SYTL5: variants seen among roughly 807,000 people sequenced by gnomAD.
The protein encoded by SYTL5 is synaptotagmin like 5, also known as synaptotagmin-like protein 5.
Under a neutral mutation model 55.9 loss-of-function variants are expected in SYTL5, and 34 were observed. The observed-to-expected ratio is 0.61, with a 90% CI of 0.46 to 0.81. The LOEUF (loss-of-function observed/expected upper bound fraction) is 0.81. Among genes scored for constraint, SYTL5 ranks in the 30% least tolerant of loss-of-function variants. The probability of loss-of-function intolerance (pLI) is 0.00; values close to 1 mark genes in which losing one functional copy is unlikely to be tolerated. For missense variants in SYTL5, 637 were observed against 546.7 expected (o/e 1.17, Z -1.65); for synonymous variants, 221 against 188.7 (o/e 1.17, Z -1.40).
intron 2 of SYTL5, among the ~76,000 whole-genome samples, chrX:38,049,998 C>A (rs1430844775): frequency 9.0e-6 from 1 of 111,717 alleles, no homozygotes; most frequent in Non-Finnish European, 1.9e-5. Flanking sequence ...GAACTTGAAC[C>A]CAGGCACTCT....
the SYTL5 span, among the ~76,000 whole-genome samples, chrX:37,967,358 A>G: frequency 9.0e-6 from 1 of 111,467 alleles, no homozygotes; most frequent in Admixed American, 9.5e-5. Context: ...GGCCTCTTTT[A>G]GTACTTTTAT....
At chrX:37,904,644 A>T in the SYTL5 span, among the ~76,000 whole-genome samples, 2 of 111,358 alleles carry the variant, frequency 1.8e-5, no homozygotes, top group African/African-American at 3.3e-5. Flanking sequence ...GTACATTGAA[A>T]TGAGTAACTT....
chrX:37,965,096 C>T, the SYTL5 span, among the ~76,000 whole-genome samples: 2 of 110,679 alleles, frequency 1.8e-5, no homozygotes, highest in Middle Eastern at 4.7e-3. Flanking sequence ...TTATTTCCTT[C>T]TTTCTTCTAA....
chrX:38,023,411 C>G (rs141370893), intron 1 of SYTL5, among the ~76,000 whole-genome samples: 1 of 111,433 alleles, frequency 9.0e-6, no homozygotes, highest in Non-Finnish European at 1.9e-5. Flanking sequence ...GGAAATAAGT[C>G]CCTTTTCATC....
At chrX:38,029,392 T>C (rs1400925920) in intron 1 of SYTL5, among the ~76,000 whole-genome samples, 2 of 112,705 alleles carry the variant, frequency 1.8e-5, no homozygotes, top group Admixed American at 9.4e-5. Context: ...CATGTAAAAC[T>C]GTTTCTTCAG....
At chrX:37,977,700 TCACACACACACACACACACA>T in the SYTL5 span, among the ~76,000 whole-genome samples, 3 of 82,552 alleles carry the variant, frequency 3.6e-5, no homozygotes, top group Non-Finnish European at 7.3e-5. Context: ...GGACCAATGA[TCACACACACACACACACACA>T]CACACACACA....
At chrX:37,921,876 T>A in the SYTL5 span, among the ~76,000 whole-genome samples, 3 of 111,176 alleles carry the variant, frequency 2.7e-5, no homozygotes, top group Non-Finnish European at 3.8e-5. Context: ...ATGATCAGAG[T>A]GACTTTGTTT....
chrX:38,062,048 G>A (rs1267148841), intron 3 of SYTL5, among the ~76,000 whole-genome samples: 1 of 110,148 alleles, frequency 9.1e-6, no homozygotes, highest in Non-Finnish European at 1.9e-5. Context: ...ACTCACTACA[G>A]CCTCTGCCTC....
chrX:37,906,468 G>A, the SYTL5 span: 2 of 111,617 alleles, frequency 1.8e-5, no homozygotes, highest in South Asian at 7.6e-4. Flanking sequence ...TTAGAGGTGG[G>A]GACAGGAGAG....
the SYTL5 span, among the ~76,000 whole-genome samples, chrX:37,908,320 T>C: frequency 9.0e-6 from 1 of 111,424 alleles, no homozygotes; most frequent in African/African-American, 3.3e-5. Context: ...AGAGTATTTT[T>C]CCTCATGCAA....
intron 6 of SYTL5, among the ~76,000 whole-genome samples, chrX:38,082,476 T>C (rs1193446922): frequency 8.9e-6 from 1 of 112,275 alleles, no homozygotes; most frequent in African/African-American, 3.2e-5. Flanking sequence ...CACACAGCTC[T>C]GTTAACATTA....
At chrX:37,961,234 G>A in the SYTL5 span, among the ~76,000 whole-genome samples, 1 of 111,252 alleles carries the variant, frequency 9.0e-6, no homozygotes, top group African/African-American at 3.3e-5. Flanking sequence ...ACCATAGACT[G>A]GGTAATTTAT....
At chrX:38,090,631 A>G (rs765606162) in intron 7 of SYTL5, among the ~76,000 whole-genome samples, 3 of 112,205 alleles carry the variant, frequency 2.7e-5, no homozygotes, top group Non-Finnish European at 3.8e-5. Flanking sequence ...ACCAACATTT[A>G]ATGAGAACCT....
chrX:37,959,656 A>T, the SYTL5 span, among the ~76,000 whole-genome samples: 5 of 111,962 alleles, frequency 4.5e-5, no homozygotes, highest in African/African-American at 1.3e-4. Context: ...GGCTGCCTTC[A>T]GCCTGTTCAA....
At chrX:38,084,782 A>G (rs990620956) in intron 6 of SYTL5, among the ~76,000 whole-genome samples, 10 of 111,555 alleles carry the variant, frequency 9.0e-5, no homozygotes, top group Non-Finnish European at 1.3e-4. Context: ...CTCTGTCTCA[A>G]CTACTCAACT....
the SYTL5 span, among the ~76,000 whole-genome samples, chrX:37,931,271 T>C: frequency 8.9e-6 from 1 of 111,946 alleles, no homozygotes; most frequent in African/African-American, 3.2e-5. Flanking sequence ...ATTCCAAATG[T>C]AAGATTTTGT....
chrX:38,018,503 T>C lies in SYTL5; in HGVS notation c.-357+11835T>C, dbSNP rs189552429. 3.6e-5 allele frequency among the ~76,000 whole-genome samples: 4 copies of C among 111,826 alleles called. No individual in the cohort carries two copies. In the East Asian group the frequency reaches 1.1e-3, roughly 31 times the overall value. ...TCTTTGTTGTTGCATCATAAGTACC[T>C]TTGTTGTTGCACCATAAGTATCCGG... is the stretch of plus-strand genomic sequence containing the variant. On this transcript the variant is annotated intron_variant, in intron 1 of 16. Coordinates refer to ENST00000297875, the MANE Select transcript of SYTL5 (RefSeq NM_138780.3).
rs2078658317 is a variant in SYTL5, at chrX:38,076,685, C to T, written c.673C>T (p.Pro225Ser). 1.7e-6 allele frequency: 2 copies of T among 1,210,504 alleles called. No homozygotes were observed. Among genetic ancestry groups the T allele is most frequent in the Non-Finnish European group, 2.2e-6 (2 of 894,927 alleles). The change falls in exon 6 of 17, where the codon CCT becomes TCT. Residue 225 changes from proline (P) to serine (S), a missense_variant. By Grantham distance (74) the Pro-to-Ser change is moderately conservative (BLOSUM62 -1). Transcript: ENST00000297875. ...DGQHFRSLKS[P>S]PGSDRGSTGS... is the part of the protein sequence containing the mutation. ...TCAACATTTTCGGAGTTTAAAATCACCTCCTGGTTCAGACAGGTAAGAGTC... is the reference window on the plus strand; with the variant it reads ...TCAACATTTTCGGAGTTTAAAATCATCTCCTGGTTCAGACAGGTAAGAGTC...
intron 1 of SYTL5, among the ~76,000 whole-genome samples, chrX:38,011,303 C>T (rs1236122666): frequency 1.8e-5 from 2 of 112,160 alleles, no homozygotes; most frequent in Non-Finnish European, 3.8e-5. Context: ...AAACAAAGGC[C>T]TCAAATACTG....
Sources: gnomAD v4.1 joint callset for allele counts (sites outside exome capture counted in the v4.1 genomes callset) on GRCh38, gnomAD v4.1.1 for gene constraint, MANE v1.5 for transcripts, NCBI Gene and HGNC (gene_info 2026-07-23, HGNC 2026-07-21) for gene names.